Variants in GMDS observed in about 807,000 individuals in gnomAD.
The protein encoded by GMDS is GDP-mannose 4,6-dehydratase, also known as GDP-mannose 4,6 dehydratase.
In GMDS, 20 loss-of-function variants were observed where a neutral mutation model predicts 49.9. The observed-to-expected ratio is 0.40, with a 90% CI of 0.28 to 0.58. GMDS has a LOEUF of 0.58. GMDS is among the 20% of genes least tolerant of loss of function. The pLI is 0.42. For missense variants in GMDS, 362 were observed against 481.4 expected (o/e 0.75, Z 2.32); for synonymous variants, 177 against 178.6 (o/e 0.99, Z 0.07).
At chr6:1,790,008 T>C (rs1769473413) in intron 7 of GMDS, among the ~76,000 whole-genome samples, 1 of 152,242 alleles carries the variant, frequency 6.6e-6, no homozygotes, top group African/African-American at 2.4e-5. Flanking sequence ...CTCGTATTCA[T>C]AAAGATACAT....
chr6:2,221,136 G>A (rs1335832171), intron 1 of GMDS, among the ~76,000 whole-genome samples: 2 of 152,126 alleles, frequency 1.3e-5, no homozygotes, highest in Non-Finnish European at 2.9e-5. Flanking sequence ...GGTTACAGGA[G>A]CCACTGTACT....
At chr6:2,171,057 T>C (rs191301916) in intron 1 of GMDS, among the ~76,000 whole-genome samples, 12 of 152,154 alleles carry the variant, frequency 7.9e-5, no homozygotes, top group African/African-American at 2.9e-4. Context: ...TTACTACCTT[T>C]AAATATCTGT....
chr6:1,638,167 A>G (rs1358620017), intron 9 of GMDS, among the ~76,000 whole-genome samples: 1 of 152,160 alleles, frequency 6.6e-6, no homozygotes, highest in African/African-American at 2.4e-5. Context: ...CAGGAATGGA[A>G]CCTAAGAGTT....
At chr6:2,126,370 A>G (rs927544797) in intron 1 of GMDS, among the ~76,000 whole-genome samples, 15 of 152,144 alleles carry the variant, frequency 9.9e-5, no homozygotes, top group African/African-American at 3.6e-4. Context: ...CGGTTTCTTC[A>G]ATTTGAACAG....
intron 9 of GMDS, among the ~76,000 whole-genome samples, chr6:1,661,550 A>G (rs1764073990): frequency 6.6e-6 from 1 of 152,220 alleles, no homozygotes; most frequent in African/African-American, 2.4e-5. Flanking sequence ...CACCTGATCC[A>G]GCACACACGG....
rs1242872001 is a variant in GMDS at position 1,635,401 on chromosome 6, C to A, written c.988-10861G>T. ...CGCAACCAACATGGCCCACTTTCATCCTCCGGCTGCAGCAGGAGGAAGTCC... is the reference window on the plus strand; with the variant it reads ...CGCAACCAACATGGCCCACTTTCATACTCCGGCTGCAGCAGGAGGAAGTCC... On this transcript the variant is annotated intron_variant, in intron 9 of 10. Transcript: ENST00000380815. The surrounding 1 kb of genome is among the most constrained non-coding windows in gnomAD (Gnocchi z 4.7). Among the ~76,000 whole-genome samples, 1 of 152,216 alleles carries A rather than the reference C, an allele frequency of 6.6e-6. No individual in the cohort carries two copies. Among genetic ancestry groups the A allele is most frequent in the African/African-American group, 2.4e-5 (1 of 41,452 alleles).
At chr6:1,928,744 G>A (rs1476917698) in intron 7 of GMDS, among the ~76,000 whole-genome samples, 1 of 152,104 alleles carries the variant, frequency 6.6e-6, no homozygotes, top group African/African-American at 2.4e-5. Flanking sequence ...TAAGGCGGGT[G>A]GATCACCTGA....
intron 1 of GMDS, among the ~76,000 whole-genome samples, chr6:2,200,730 C>A (rs1208456221): frequency 6.5e-5 from 9 of 138,146 alleles, no homozygotes; most frequent in East Asian, 2.2e-4. Context: ...GAGAGCACCA[C>A]ATGGACATCC....
At chr6:2,044,392 C>T (rs564269557) in intron 4 of GMDS, among the ~76,000 whole-genome samples, 1 of 152,236 alleles carries the variant, frequency 6.6e-6, no homozygotes, top group South Asian at 2.1e-4. Flanking sequence ...TAAAAAAGAA[C>T]AAGATCATAT....
chr6:1,754,771 C>A (rs1375652676), intron 7 of GMDS, among the ~76,000 whole-genome samples: 2 of 152,150 alleles, frequency 1.3e-5, no homozygotes, highest in East Asian at 3.8e-4. Context: ...GAACCAATGA[C>A]AAAACCCACA....
chr6:2,005,152 G>T (rs1370809775), intron 4 of GMDS, among the ~76,000 whole-genome samples: 1 of 152,126 alleles, frequency 6.6e-6, no homozygotes, highest in Non-Finnish European at 1.5e-5. Flanking sequence ...TTTTTTCAGA[G>T]ACTGTTACTG....
chr6:2,033,803 G>A lies in GMDS; in HGVS notation c.346-72837C>T, dbSNP rs72830127. 9.1e-3 allele frequency among the ~76,000 whole-genome samples: 1,381 copies of A among 152,236 alleles called. 6 individuals are homozygous for A. The highest frequency in any genetic ancestry group is 0.015 in the Non-Finnish European group (1,015 of 68,012). ...CAGATTCTTGGGTTTAACCTCCAGA[G>A]AACATGTTTCAGTAGCTCTAAGATG... On this transcript the variant is annotated intron_variant, in intron 4 of 10. Transcript: ENST00000380815.
chr6:2,125,177 C>T (rs145215286), intron 1 of GMDS, among the ~76,000 whole-genome samples: 3 of 152,272 alleles, frequency 2.0e-5, no homozygotes, highest in South Asian at 2.1e-4. Flanking sequence ...GTTGCTCACA[C>T]CTATAATCCT....
intron 4 of GMDS, among the ~76,000 whole-genome samples, chr6:2,024,089 G>A (rs1449726083): frequency 1.3e-5 from 2 of 152,028 alleles, no homozygotes; most frequent in Non-Finnish European, 2.9e-5. Flanking sequence ...GAGGAGAAAA[G>A]AATCTTGAAA....
chr6:1,922,425 G>A (rs563648233), intron 7 of GMDS, among the ~76,000 whole-genome samples: 27 of 152,292 alleles, frequency 1.8e-4, no homozygotes, highest in African/African-American at 6.0e-4. Flanking sequence ...TCTACTGATG[G>A]TGACAGAGGC....
rs774056957 is a variant in GMDS at position 1,856,390 on chromosome 6, C to T, written c.771+73713G>A. Among the ~76,000 whole-genome samples, 3 of 152,340 alleles carry T rather than the reference C, an allele frequency of 2.0e-5. No individual in the cohort carries two copies. In the East Asian group the frequency reaches 5.8e-4, roughly 29 times the overall value. On this transcript the variant is annotated intron_variant, in intron 7 of 10. Coordinates refer to ENST00000380815, the MANE Select transcript of GMDS (RefSeq NM_001500.4). Reference sequence around the variant, plus strand: ...GCAGCTACACTCTCTCCCTTTACTTCCATAAATCAGAAAACTCCTCCTGGC... The same window carrying T: ...GCAGCTACACTCTCTCCCTTTACTTTCATAAATCAGAAAACTCCTCCTGGC...
chr6:1,756,543 A>G (rs1767954174), intron 7 of GMDS, among the ~76,000 whole-genome samples: 2 of 152,158 alleles, frequency 1.3e-5, no homozygotes, highest in Admixed American at 6.5e-5. Flanking sequence ...AGGTGCTGGG[A>G]TTACAGGCAT....
intron 7 of GMDS, among the ~76,000 whole-genome samples, chr6:1,887,663 C>T (rs896667877): frequency 2.6e-5 from 4 of 152,154 alleles, no homozygotes; most frequent in Admixed American, 6.5e-5. Context: ...AAAAACAAAA[C>T]CTTTCTTCAA....
intron 1 of GMDS, among the ~76,000 whole-genome samples, chr6:2,213,174 G>T (rs565655467): frequency 7.9e-4 from 120 of 152,282 alleles, no homozygotes; most frequent in Non-Finnish European, 1.3e-3. Flanking sequence ...CTCACCACAG[G>T]TGGCAAATAT....
Sources: gnomAD v4.1 joint callset for allele counts (sites outside exome capture counted in the v4.1 genomes callset) on GRCh38, gnomAD v4.1.1 for gene constraint, Gnocchi (gnomAD v3.1) non-coding constraint, MANE v1.5 for transcripts, NCBI Gene and HGNC (gene_info 2026-07-23, HGNC 2026-07-21) for gene names.